The following MID1 variants were observed in gnomAD, a reference collection of about 807,000 sequenced individuals.
MID1 encodes the protein E3 ubiquitin-protein ligase Midline-1.
A neutral mutation model predicts 40.4 loss-of-function variants in MID1; 7 were observed. That is an observed-to-expected ratio of 0.17 (90% confidence interval 0.10 to 0.33). The LOEUF is 0.33. Among genes scored for constraint, MID1 ranks in the 10% least tolerant of loss-of-function variants. The pLI is 1.00. For synonymous variants in MID1, 229 were observed against 221.2 expected (o/e 1.04, Z -0.31); for missense variants, 367 against 558.5 (o/e 0.66, Z 3.46).
intron 1 of MID1, among the ~76,000 whole-genome samples, chrX:10,567,902 TC>T (rs1934616945): frequency 8.9e-6 from 1 of 112,105 alleles, no homozygotes; most frequent in African/African-American, 3.2e-5. Context: ...AACTGTAATT[TC>T]CATAATTTGT....
intron 7 of MID1, among the ~76,000 whole-genome samples, chrX:10,467,439 G>A (rs189612891): frequency 8.9e-6 from 1 of 112,075 alleles, no homozygotes; most frequent in African/African-American, 3.2e-5. Context: ...TGAGGACACT[G>A]ATGATTTTTT....
At chrX:10,581,119 G>C (rs1935007584) in intron 1 of MID1, among the ~76,000 whole-genome samples, 1 of 109,844 alleles carries the variant, frequency 9.1e-6, no homozygotes, top group Non-Finnish European at 1.9e-5. Context: ...CATGGTGGCG[G>C]GTGCCTGTAA....
intron 1 of MID1, among the ~76,000 whole-genome samples, chrX:10,593,532 T>A (rs1047375999): frequency 1.8e-5 from 2 of 111,459 alleles, no homozygotes; most frequent in Admixed American, 9.6e-5. Flanking sequence ...AAAAGAGACC[T>A]CTAGTCTTAC....
At chrX:10,792,065 A>G (rs763934247) in intron 1 of MID1, among the ~76,000 whole-genome samples, 72 of 111,698 alleles carry the variant, frequency 6.4e-4, no homozygotes, top group Non-Finnish European at 1.1e-3. Flanking sequence ...CCTCAGTCAG[A>G]CATTAGACCA....
intron 1 of MID1, among the ~76,000 whole-genome samples, chrX:10,687,968 G>A (rs1021670906): frequency 4.5e-5 from 5 of 110,853 alleles, no homozygotes; most frequent in Admixed American, 1.9e-4. Flanking sequence ...TCCTCCTCCC[G>A]TCGCTTCCCC....
intron 2 of MID1, among the ~76,000 whole-genome samples, chrX:10,560,338 T>A (rs999381864): frequency 9.0e-6 from 1 of 111,218 alleles, no homozygotes; most frequent in Non-Finnish European, 1.9e-5. Context: ...CTCTCACCAC[T>A]CCTATTCAAC....
At chrX:10,486,980 G>C (rs776940413) in intron 4 of MID1, among the ~76,000 whole-genome samples, 44 of 111,691 alleles carry the variant, frequency 3.9e-4, no homozygotes, top group Non-Finnish European at 5.8e-4. Flanking sequence ...CACCTGACTA[G>C]CTGAGATCAC....
chrX:10,619,738 TAC>T (rs1935902003), intron 1 of MID1, among the ~76,000 whole-genome samples: 1 of 112,414 alleles, frequency 8.9e-6, no homozygotes, highest in Non-Finnish European at 1.9e-5. Flanking sequence ...CCAGAAGCAA[TAC>T]AGTTTCCAAA....
At chrX:10,720,698 GT>G (rs1411943687) in intron 1 of MID1, among the ~76,000 whole-genome samples, 1 of 111,677 alleles carries the variant, frequency 9.0e-6, no homozygotes, top group African/African-American at 3.3e-5. Context: ...CCATTACTGG[GT>G]ATATACCTAA....
chrX:10,832,563 C>T lies in MID1; in HGVS notation c.-187+991G>A, dbSNP rs919238055. 3.4e-4 allele frequency among the ~76,000 whole-genome samples: 38 copies of T among 111,946 alleles called. No homozygotes were observed. In the Admixed American group the frequency reaches 3.5e-3, roughly 10 times the overall value. On this transcript the variant is annotated intron_variant, in intron 1 of 10. Coordinates refer to the MID1 transcript ENST00000380785. ...AAAACAACAGTATTCCTTTGAAAGA[C>T]GAGCAGTCAAATCATTCAACACAAT...
intron 1 of MID1, among the ~76,000 whole-genome samples, chrX:10,675,340 C>T (rs1414917469): frequency 8.9e-6 from 1 of 112,033 alleles, no homozygotes; most frequent in Non-Finnish European, 1.9e-5. Context: ...AATTAGGCAG[C>T]ACTCAAATTT....
At chrX:10,455,347 A>C (rs764754286) in intron 8 of MID1, among the ~76,000 whole-genome samples, 1 of 112,119 alleles carries the variant, frequency 8.9e-6, no homozygotes, top group Non-Finnish European at 1.9e-5. Context: ...GTACACAGTA[A>C]GAGTGAAAAA....
At chrX:10,455,761 C>A (rs1928622433) in intron 8 of MID1, among the ~76,000 whole-genome samples, 1 of 111,642 alleles carries the variant, frequency 9.0e-6, no homozygotes, top group South Asian at 3.7e-4. Flanking sequence ...TTTCAGGCCA[C>A]AAAATTAGGA....
chrX:10,596,380 G>A (rs1470312668), intron 1 of MID1, among the ~76,000 whole-genome samples: 1 of 112,034 alleles, frequency 8.9e-6, no homozygotes, highest in African/African-American at 3.2e-5. Flanking sequence ...AGTGAACAAT[G>A]GCTTGTGACC....
chrX:10,820,180 C>T (rs971021064), intron 1 of MID1, among the ~76,000 whole-genome samples: 1 of 112,207 alleles, frequency 8.9e-6, no homozygotes, highest in Non-Finnish European at 1.9e-5. Flanking sequence ...GACACATGCA[C>T]AGCCTGGAGG....
intron 1 of MID1, among the ~76,000 whole-genome samples, chrX:10,731,966 CAAAAAA>C (rs754605735): frequency 2.7e-3 from 71 of 26,643 alleles, no homozygotes; most frequent in African/African-American, 6.2e-3. Context: ...GAATCTATCA[CAAAAAA>C]AAAAAAAAAA....
At chrX:10,650,675 G>A (rs1569138134) in intron 1 of MID1, among the ~76,000 whole-genome samples, 1 of 111,324 alleles carries the variant, frequency 9.0e-6, no homozygotes, top group South Asian at 3.8e-4. Flanking sequence ...CCCATCTCCC[G>A]CTCTCCTAAG....
At chrX:10,718,761 C>G (rs903412277) in intron 1 of MID1, among the ~76,000 whole-genome samples, 1 of 111,679 alleles carries the variant, frequency 9.0e-6, no homozygotes, top group Non-Finnish European at 1.9e-5. Flanking sequence ...GAATTTTAGA[C>G]CAATATACCT....
chrX:10,587,225 C>T (rs916576135), intron 1 of MID1, among the ~76,000 whole-genome samples: 3 of 112,587 alleles, frequency 2.7e-5, no homozygotes, highest in Non-Finnish European at 5.6e-5. Context: ...GTATAAGTGC[C>T]ACTCCAGTTA....
Sources: allele counts gnomAD v4.1 joint callset (sites outside exome capture counted in the v4.1 genomes callset), GRCh38; gene constraint gnomAD v4.1.1; transcripts MANE v1.5; gene names NCBI Gene and HGNC (gene_info 2026-07-23, HGNC 2026-07-21).